GPC6: variants seen among roughly 807,000 people sequenced by gnomAD.
GPC6 encodes the protein glypican 6.
GPC6 carries 14 observed loss-of-function variants against 55.2 expected under a neutral mutation model. That is an observed-to-expected ratio of 0.25 (90% CI 0.17 to 0.40). The LOEUF (loss-of-function observed/expected upper bound fraction) is 0.40. Among genes scored for constraint, GPC6 ranks in the 10% least tolerant of loss-of-function variants. The probability of loss-of-function intolerance (pLI) is 1.00; values close to 1 mark genes in which losing one functional copy is unlikely to be tolerated. For missense variants in GPC6, 641 were observed against 708.5 expected (o/e 0.90, Z 1.08); for synonymous variants, 278 against 259.6 (o/e 1.07, Z -0.68).
chr13:93,592,712 A>T lies in GPC6; in HGVS notation c.319+47291A>T, dbSNP rs141687664. Among the ~76,000 whole-genome samples, 678 of 152,106 alleles carry T rather than the reference A, an allele frequency of 4.5e-3. 3 individuals carry two copies. The highest frequency in any genetic ancestry group is 0.021 in the Middle Eastern group (6 of 292). Reference sequence around the variant, plus strand: ...AATGCCTATTAAACTAAAGAAACATAGAGAAATATATAACAAATTTGGGAC... The same window carrying T: ...AATGCCTATTAAACTAAAGAAACATTGAGAAATATATAACAAATTTGGGAC... On this transcript the variant is annotated intron_variant, in intron 2 of 8. Transcript: ENST00000377047.
At chr13:94,370,115 GCTT>G (rs1035612451) in intron 6 of GPC6, among the ~76,000 whole-genome samples, 1 of 152,222 alleles carries the variant, frequency 6.6e-6, no homozygotes, top group Non-Finnish European at 1.5e-5. Context: ...AAAAGCCATG[GCTT>G]CTACATGGAC....
intron 1 of GPC6, among the ~76,000 whole-genome samples, chr13:93,314,222 C>A (rs1879166436): frequency 6.6e-6 from 1 of 151,594 alleles, no homozygotes; most frequent in Middle Eastern, 3.2e-3. Flanking sequence ...TTCTTTTATC[C>A]CTGGAAATAA....
chr13:94,322,250 G>A (rs1876867564), intron 6 of GPC6, among the ~76,000 whole-genome samples: 1 of 152,208 alleles, frequency 6.6e-6, no homozygotes, highest in Non-Finnish European at 1.5e-5. Context: ...TGTAAGACAT[G>A]TCTTTCACCT....
intron 1 of GPC6, among the ~76,000 whole-genome samples, chr13:93,509,631 A>G (rs560340692): frequency 5.3e-5 from 8 of 152,338 alleles, no homozygotes; most frequent in East Asian, 1.9e-4. Flanking sequence ...ATATCTGTGG[A>G]CATACCAAAG....
rs552469140 is a variant in GPC6, at chr13:93,336,173, A to G, written c.160+108557A>G. Among the ~76,000 whole-genome samples the G allele has an allele frequency of 3.3e-5, 5 of 152,310 alleles. No individual in the cohort carries two copies. In the South Asian group the frequency reaches 1.0e-3, roughly 32 times the overall value. The stretch of plus-strand genomic sequence containing the variant: ...TTGTTCTGCACTTGGAATTTTATCA[A>G]GTTATTTGTTGGGAAAAGTTTGGAT... On this transcript the variant is annotated intron_variant, in intron 1 of 8. Transcript: ENST00000377047.
intron 1 of GPC6, among the ~76,000 whole-genome samples, chr13:93,418,388 A>G (rs1178850177): frequency 6.8e-6 from 1 of 147,506 alleles, no homozygotes; most frequent in Non-Finnish European, 1.5e-5. Context: ...TTTATTAATA[A>G]CACTATACCG....
intron 1 of GPC6, among the ~76,000 whole-genome samples, chr13:93,424,611 A>ATCATCATCG (rs1877052494): frequency 6.6e-6 from 1 of 151,552 alleles, no homozygotes; most frequent in South Asian, 2.1e-4. Context: ...ACATGGTATC[A>ATCATCATCG]TCATCATCAT....
intron 1 of GPC6, among the ~76,000 whole-genome samples, chr13:93,287,763 T>G (rs1878183738): frequency 6.6e-6 from 1 of 152,240 alleles, no homozygotes; most frequent in African/African-American, 2.4e-5. Context: ...TGTTTGATTC[T>G]TGCACAGTTA....
intron 1 of GPC6, among the ~76,000 whole-genome samples, chr13:93,456,702 G>A (rs147532030): frequency 6.5e-4 from 99 of 152,176 alleles, no homozygotes; most frequent in African/African-American, 2.2e-3. Flanking sequence ...GAATAGAGAC[G>A]TAAGGAATAA....
At chr13:93,545,224 C>T in intron 1 of GPC6, 39 bp from the exon 2 acceptor site, 4 of 1,572,536 alleles carry the variant, frequency 2.5e-6, no homozygotes, top group Non-Finnish European at 3.5e-6. Flanking sequence ...TACCAAAAGT[C>T]CTTAGAATGC....
At chr13:93,298,803 C>G (rs112878791) in intron 1 of GPC6, among the ~76,000 whole-genome samples, 15 of 151,998 alleles carry the variant, frequency 9.9e-5, no homozygotes, top group African/African-American at 3.4e-4. Flanking sequence ...TGGATTTTCT[C>G]TCTCTGGGAG....
intron 3 of GPC6, among the ~76,000 whole-genome samples, chr13:93,958,078 T>G (rs1879590638): frequency 6.6e-6 from 1 of 152,152 alleles, no homozygotes; most frequent in Non-Finnish European, 1.5e-5. Flanking sequence ...TTTTTCGTGT[T>G]AATTTGTTTA....
chr13:93,918,499 G>A (rs756357699), intron 3 of GPC6, among the ~76,000 whole-genome samples: 1 of 152,092 alleles, frequency 6.6e-6, no homozygotes, highest in Non-Finnish European at 1.5e-5. Context: ...TATTCTCCTG[G>A]ACATTAAAAC....
intron 1 of GPC6, among the ~76,000 whole-genome samples, chr13:93,343,221 A>T (rs1382934542): frequency 6.6e-6 from 1 of 150,448 alleles, no homozygotes; most frequent in Non-Finnish European, 1.5e-5. Flanking sequence ...AAGACAGTTC[A>T]TTTACATAAC....
rs558116058 is a variant in GPC6 at position 94,078,838 on chromosome 13, C to G, written c.877+50944C>G. Among the ~76,000 whole-genome samples the G allele has an allele frequency of 4.6e-5, 7 of 151,992 alleles. No homozygotes were observed. The South Asian group carries it at 1.5e-3, about 32-fold the overall frequency. On this transcript the variant is annotated intron_variant, in intron 4 of 8. Transcript: ENST00000377047. The stretch of plus-strand genomic sequence containing the variant: ...CATTTAAGGAAGAATTAATGCCAGT[C>G]CTTCTCAAACCCTTTTAAAAAATTG...
intron 1 of GPC6, among the ~76,000 whole-genome samples, chr13:93,474,846 A>G (rs1879248238): frequency 6.6e-6 from 1 of 152,224 alleles, no homozygotes; most frequent in South Asian, 2.1e-4. Flanking sequence ...TTATAATGCT[A>G]TTGTTCCATC....
chr13:93,871,182 G>A (rs1383161226), intron 3 of GPC6, among the ~76,000 whole-genome samples: 2 of 151,846 alleles, frequency 1.3e-5, no homozygotes, highest in Non-Finnish European at 2.9e-5. Flanking sequence ...GCACGTTTCT[G>A]AATTCTGACT....
At chr13:93,323,740 G>A (rs564822465) in intron 1 of GPC6, among the ~76,000 whole-genome samples, 1 of 152,196 alleles carries the variant, frequency 6.6e-6, no homozygotes, top group South Asian at 2.1e-4. Flanking sequence ...TTAGTAAATT[G>A]TTAATAGTAG....
intron 2 of GPC6, among the ~76,000 whole-genome samples, chr13:93,801,582 A>G (rs963622511): frequency 2.6e-5 from 4 of 152,142 alleles, no homozygotes; most frequent in Non-Finnish European, 5.9e-5. Context: ...ACTGCTCCCC[A>G]TTCCTGGTAA....
Sources: gnomAD v4.1 joint callset for allele counts (sites outside exome capture counted in the v4.1 genomes callset) on GRCh38, gnomAD v4.1.1 for gene constraint, MANE v1.5 for transcripts, NCBI Gene and HGNC (gene_info 2026-07-23, HGNC 2026-07-21) for gene names.